Variants in SNTB1 observed in about 807,000 individuals in gnomAD.
The protein encoded by SNTB1 is beta-1-syntrophin.
SNTB1 carries 36 observed loss-of-function variants against 48.9 expected under a neutral mutation model. That is an observed-to-expected ratio of 0.74 (90% CI 0.56 to 0.97). SNTB1 has a LOEUF of 0.97. SNTB1 is among the 50% of genes least tolerant of loss of function. The pLI is 0.00. For missense variants in SNTB1, 786 were observed against 703.4 expected (o/e 1.12, Z -1.33); for synonymous variants, 299 against 294.6 (o/e 1.01, Z -0.15).
chr8:120,806,272 A>G (rs6985550), intron 1 of SNTB1, among the ~76,000 whole-genome samples: 27,574 of 152,122 alleles, frequency 0.18, 5,278 homozygotes, highest in African/African-American at 0.47. Flanking sequence ...GAACCTGGAG[A>G]TCCTGGAACA....
intron 1 of SNTB1, among the ~76,000 whole-genome samples, chr8:120,805,569 G>T (rs59581236): frequency 6.7e-6 from 1 of 149,458 alleles, no homozygotes; most frequent in Non-Finnish European, 1.5e-5. Context: ...AAAAAAAAAA[G>T]GTTCTCCCCT....
At chr8:120,616,721 T>TA (rs994636797) in intron 3 of SNTB1, among the ~76,000 whole-genome samples, 2 of 152,222 alleles carry the variant, frequency 1.3e-5, no homozygotes, top group South Asian at 2.1e-4. Context: ...TAAAGCCACT[T>TA]AAAAAATTAA....
chr8:120,778,638 G>A (rs1482832788), intron 1 of SNTB1, among the ~76,000 whole-genome samples: 1 of 152,136 alleles, frequency 6.6e-6, no homozygotes, highest in East Asian at 1.9e-4. Context: ...ATTCAAACAT[G>A]GATTGATTTC....
chr8:120,651,479 T>A (rs570193098), intron 2 of SNTB1, among the ~76,000 whole-genome samples: 3 of 152,298 alleles, frequency 2.0e-5, no homozygotes, highest in Non-Finnish European at 4.4e-5. Flanking sequence ...AGAGCTACAA[T>A]TAGCTGTTGA....
chr8:120,643,476 G>A (rs1817231390), intron 2 of SNTB1, among the ~76,000 whole-genome samples: 1 of 152,202 alleles, frequency 6.6e-6, no homozygotes, highest in East Asian at 1.9e-4. Flanking sequence ...TTCTGCCTTT[G>A]CATTCTCATA....
intron 1 of SNTB1, among the ~76,000 whole-genome samples, chr8:120,729,752 A>G (rs1225222343): frequency 6.6e-6 from 1 of 152,232 alleles, no homozygotes; most frequent in Non-Finnish European, 1.5e-5. Context: ...CAGCTGATAG[A>G]GCAGAAGAAG....
chr8:120,716,469 A>G (rs568118172), intron 1 of SNTB1, among the ~76,000 whole-genome samples: 3 of 152,340 alleles, frequency 2.0e-5, no homozygotes, highest in African/African-American at 7.2e-5. Flanking sequence ...GTGAAGGTCA[A>G]TTCTTGCAGT....
intron 3 of SNTB1, among the ~76,000 whole-genome samples, chr8:120,576,502 T>A (rs1444021330): frequency 6.6e-6 from 1 of 152,208 alleles, no homozygotes; most frequent in Admixed American, 6.5e-5. Context: ...TACAGAATGA[T>A]GTACGACTTG....
At position 120,693,852 on chromosome 8, in the gene SNTB1, T is replaced by C. The variant is rs1353147202; in HGVS notation, c.628A>G (p.Ile210Val). 6.2e-7 allele frequency: 1 copy of C among 1,614,104 alleles called. No individual in the cohort carries two copies. Among genetic ancestry groups the C allele is most frequent in the South Asian group, 1.1e-5 (1 of 91,062 alleles). ...TCAGGCGGAGGTGTTTCCCACCCAA[T>C]CTCGGATACTGGGGATCCTTTCTTC... The part of the protein sequence containing the change: ...YVKKGSPVSE[I>V]GWETPPPESP... Residue 210 changes from isoleucine (I) to valine (V), a missense_variant, in exon 2 of 7, where the codon ATT becomes GTT. Coordinates refer to ENST00000517992, the MANE Select transcript of SNTB1 (RefSeq NM_021021.4).
chr8:120,712,131 A>G (rs1818473682), intron 1 of SNTB1, among the ~76,000 whole-genome samples: 1 of 152,180 alleles, frequency 6.6e-6, no homozygotes, highest in Non-Finnish European at 1.5e-5. Context: ...AATATATGAC[A>G]GGCCCGGCGT....
rs542763599 is a variant in SNTB1 at position 120,777,059 on chromosome 8, A to T, written c.571+34214T>A. Among the ~76,000 whole-genome samples the T allele has an allele frequency of 5.3e-5, 8 of 152,330 alleles. No homozygotes were observed. In the South Asian group the frequency reaches 1.2e-3, roughly 24 times the overall value. On this transcript the variant is annotated intron_variant, in intron 1 of 6. Transcript: ENST00000517992. ...TCTTCAACTAGGATACATTTCTACCACTAGATTTAGAACGGGGAAGGACAG... is the reference window on the plus strand; with the variant it reads ...TCTTCAACTAGGATACATTTCTACCTCTAGATTTAGAACGGGGAAGGACAG...
chr8:120,597,083 G>A (rs1816339740), intron 3 of SNTB1, among the ~76,000 whole-genome samples: 1 of 152,156 alleles, frequency 6.6e-6, no homozygotes, highest in South Asian at 2.1e-4. Flanking sequence ...GCAATCACAA[G>A]CCCTAAATGC....
At chr8:120,612,163 G>A (rs575377932) in intron 3 of SNTB1, among the ~76,000 whole-genome samples, 13 of 152,312 alleles carry the variant, frequency 8.5e-5, no homozygotes, top group South Asian at 6.2e-4. Context: ...TCCACTTTGC[G>A]TAGTGGTCCT....
intron 3 of SNTB1, among the ~76,000 whole-genome samples, chr8:120,588,637 A>G (rs1212543051): frequency 2.0e-5 from 3 of 151,982 alleles, no homozygotes; most frequent in Non-Finnish European, 4.4e-5. Context: ...AGTTATTTTC[A>G]CTGTGATCTT....
chr8:120,728,578 A>G (rs1286328717), intron 1 of SNTB1, among the ~76,000 whole-genome samples: 1 of 152,180 alleles, frequency 6.6e-6, no homozygotes, highest in Non-Finnish European at 1.5e-5. Context: ...CTTATAAGTG[A>G]GAACATGCAG....
intron 1 of SNTB1, among the ~76,000 whole-genome samples, chr8:120,763,009 C>A (rs1819448410): frequency 6.6e-6 from 1 of 152,168 alleles, no homozygotes; most frequent in Non-Finnish European, 1.5e-5. Context: ...CTCAGAGGTT[C>A]ATAGCCAGGC....
chr8:120,755,664 T>C (rs1819307187), intron 1 of SNTB1, among the ~76,000 whole-genome samples: 1 of 152,104 alleles, frequency 6.6e-6, no homozygotes, highest in Non-Finnish European at 1.5e-5. Context: ...GTAGTAGTGG[T>C]GGTGGTGGTA....
chr8:120,552,108 T>C (rs1057481909), intron 4 of SNTB1, among the ~76,000 whole-genome samples: 6 of 152,212 alleles, frequency 3.9e-5, no homozygotes, highest in Non-Finnish European at 8.8e-5. Context: ...TATGCCACTC[T>C]CATGGAGAAT....
chr8:120,718,493 C>A (rs918214929), intron 1 of SNTB1, among the ~76,000 whole-genome samples: 1 of 152,178 alleles, frequency 6.6e-6, no homozygotes, highest in Admixed American at 6.5e-5. Flanking sequence ...AGAAGGTGGC[C>A]AAATATATTT....
Sources: allele counts gnomAD v4.1 joint callset (sites outside exome capture counted in the v4.1 genomes callset), GRCh38; gene constraint gnomAD v4.1.1; transcripts MANE v1.5; gene names NCBI Gene and HGNC (gene_info 2026-07-23, HGNC 2026-07-21).